LIMCH1: variants seen among roughly 807,000 people sequenced by gnomAD.
LIMCH1 encodes LIM and calponin homology domains 1, also known as LIM and calponin homology domains-containing protein 1.
In LIMCH1, 113 loss-of-function variants were observed where a neutral mutation model predicts 176.5. That is an observed-to-expected ratio of 0.64 (90% CI 0.55 to 0.75). The LOEUF (loss-of-function observed/expected upper bound fraction) is 0.75. Ranked by LOEUF, LIMCH1 falls within the 30% of genes least tolerant of loss-of-function variation. The pLI is 0.00. For missense variants in LIMCH1, 1,674 were observed against 1,814.9 expected, an observed-to-expected ratio of 0.92 and a Z score of 1.41; for synonymous variants, 619 against 645.9, an observed-to-expected ratio of 0.96 and a Z score of 0.63.
At chr4:41,626,681 G>A (rs1449451377) in intron 7 of LIMCH1, 27 bp from the exon 8 acceptor site, 3 of 1,523,590 alleles carry the variant, frequency 2.0e-6, no homozygotes, top group Non-Finnish European at 2.6e-6. Flanking sequence ...ATCACATGTG[G>A]AGTCCCATTT....
At chr4:41,695,939 T>C (rs1417199228) in intron 31 of LIMCH1, among the ~76,000 whole-genome samples, 4 of 152,172 alleles carry the variant, frequency 2.6e-5, no homozygotes, top group Non-Finnish European at 5.9e-5. Context: ...CTAAAAACCA[T>C]TTTTCTTTCT....
chr4:41,419,557 T>C (rs1036733984), intron 1 of LIMCH1, among the ~76,000 whole-genome samples: 1 of 150,558 alleles, frequency 6.6e-6, no homozygotes, highest in African/African-American at 2.5e-5. Context: ...CTTCCTTTCC[T>C]TTCCCCTTCC....
At chr4:41,656,657 CA>C (rs2094471720) in intron 18 of LIMCH1, among the ~76,000 whole-genome samples, 1 of 152,192 alleles carries the variant, frequency 6.6e-6, no homozygotes, top group African/African-American at 2.4e-5. Flanking sequence ...AACCCATGCA[CA>C]GCATATGTGG....
At position 41,404,640 on chromosome 4, in the gene LIMCH1, G is replaced by A. The variant is rs1459921363; in HGVS notation, c.96+43704G>A. Among the ~76,000 whole-genome samples the A allele has an allele frequency of 2.0e-5, 3 of 152,060 alleles. 1 individual carries two copies. Among genetic ancestry groups the A allele is most frequent in the Non-Finnish European group, 4.4e-5 (3 of 68,002 alleles). ...TAAAAATACAAAAAATTAGCTGGGC[G>A]TGGTGGTGGGCGCCTGTAATCCCAG... On this transcript the variant is annotated intron_variant, in intron 1 of 26. Coordinates refer to the LIMCH1 transcript ENST00000313860.
At chr4:41,504,404 G>A (rs1396008471) in intron 2 of LIMCH1, among the ~76,000 whole-genome samples, 1 of 152,206 alleles carries the variant, frequency 6.6e-6, no homozygotes, top group African/African-American at 2.4e-5. Context: ...ATGAGCTCCT[G>A]TGTCTCCACA....
In LIMCH1 at chr4:41,631,409, G is replaced by A; in HGVS notation, c.1533G>A (p.Val511=). ...CHGSKIQMDS[V]SPVSAATSSL... is the part of the protein sequence containing the mutation. ...GCAGCAAGATTCAAATGGACTCTGTGTCTCCTGTCTCAGCGGCCACTTCCA... is the reference window on the plus strand; with the variant it reads ...GCAGCAAGATTCAAATGGACTCTGTATCTCCTGTCTCAGCGGCCACTTCCA... The change falls in exon 10 of 32, where the codon GTG becomes GTA. Residue 511 remains valine (V), a synonymous_variant. Transcript: ENST00000503057. 1 of 1,534,838 alleles carries A rather than the reference G, an allele frequency of 6.5e-7. No homozygotes were observed. Among genetic ancestry groups the A allele is most frequent in the South Asian group, 1.2e-5 (1 of 83,586 alleles).
intron 4 of LIMCH1, among the ~76,000 whole-genome samples, chr4:41,612,144 A>G (rs1363437088): frequency 6.6e-6 from 1 of 152,004 alleles, no homozygotes; most frequent in East Asian, 1.9e-4. Flanking sequence ...CCTTCTCTTG[A>G]TGCAAAGCTG....
At position 41,629,598 on chromosome 4, in the gene LIMCH1, A is replaced by G; in HGVS notation, c.1135A>G (p.Lys379Glu). ...GGLRKVPDLHKDDLAQQRIQG... is the reference protein window; with the variant it reads ...GGLRKVPDLHEDDLAQQRIQG... ...ACTCAGGAAGGTGCCAGATCTTCAC[A>G]AGGATGACCTGGCCCAGCAGAGAAT... Residue 379 changes from lysine (K) to glutamate (E), a missense_variant, in exon 9 of 32, where the codon AAG (lysine) becomes GAG (glutamate). Lys to Glu is a moderately conservative substitution (Grantham distance 56, BLOSUM62 1). This residue lies in a region of LIMCH1 where 655 missense variants were observed against 692.2 expected (regional missense o/e 0.95). Transcript: ENST00000503057. 10 of 1,536,086 alleles carry G rather than the reference A, an allele frequency of 6.5e-6. No individual in the cohort carries two copies. Among genetic ancestry groups the G allele is most frequent in the Non-Finnish European group, 8.7e-6 (10 of 1,146,896 alleles).
Position 41,613,091 on chromosome 4 carries a change from A to G in LIMCH1, c.10-375A>G, listed in dbSNP as rs924190415. The G allele has an allele frequency of 1.0e-5, 16 of 1,552,050 alleles. No individual in the cohort carries two copies. In the African/African-American group the frequency reaches 1.9e-4, roughly 19 times the overall value. ...CATGCAGTTATGGATTCCGAAAGAC[A>G]AGTCAAGGTTAAGGTTTTGGTTTTT... On this transcript the variant is annotated intron_variant, in intron 4 of 31. Coordinates refer to ENST00000503057, the MANE Select transcript of LIMCH1 (RefSeq NM_001330672.2).
In LIMCH1 at chr4:41,360,826, C is replaced by G; in HGVS notation, c.-15C>G. ...GTCCTCATCCCGGCGCTTGAGAGGA[C>G]GCGGGGCTGCGCAAATGGCTTGTCC... On this transcript the variant is annotated 5_prime_UTR_variant, in exon 1 of 27. Transcript: ENST00000313860. The surrounding 1 kb of genome is among the most constrained non-coding windows in gnomAD (Gnocchi z 4.5). The G allele has an allele frequency of 6.5e-7, 1 of 1,535,110 alleles. No homozygotes were observed. The highest frequency in any genetic ancestry group is 8.8e-7 in the Non-Finnish European group (1 of 1,141,304).
chr4:41,394,614 A>C (rs7670762), intron 1 of LIMCH1, among the ~76,000 whole-genome samples: 55,415 of 151,950 alleles, frequency 0.36, 11,321 homozygotes, highest in African/African-American at 0.56. Flanking sequence ...TTGATCGGGG[A>C]TTGTAGGTAC....
intron 17 of LIMCH1, among the ~76,000 whole-genome samples, chr4:41,647,513 C>T (rs1302166050): frequency 6.6e-6 from 1 of 152,204 alleles, no homozygotes. Flanking sequence ...GACTGAAGAA[C>T]TTGTGGAAAC....
chr4:41,440,167 A>G (rs1312576881), intron 1 of LIMCH1, among the ~76,000 whole-genome samples: 1 of 152,242 alleles, frequency 6.6e-6, no homozygotes, highest in Non-Finnish European at 1.5e-5. Flanking sequence ...TTTCCCCTCT[A>G]TAATTAACAA....
chr4:41,365,344 G>T (rs2052807708), intron 1 of LIMCH1, among the ~76,000 whole-genome samples: 1 of 152,188 alleles, frequency 6.6e-6, no homozygotes, highest in African/African-American at 2.4e-5. Context: ...TTATTCAGCT[G>T]GGACCTAATT....
intron 1 of LIMCH1, among the ~76,000 whole-genome samples, chr4:41,407,583 C>T (rs954475098): frequency 2.0e-5 from 3 of 152,218 alleles, no homozygotes; most frequent in Non-Finnish European, 2.9e-5. Context: ...GGTCCGTGTC[C>T]ATAGGTGAGG....
chr4:41,638,387 C>T (rs193255720), intron 13 of LIMCH1, among the ~76,000 whole-genome samples: 1 of 152,240 alleles, frequency 6.6e-6, no homozygotes, highest in Admixed American at 6.5e-5. Flanking sequence ...ATGCGGAAGG[C>T]ACTGATTGGG....
chr4:41,544,326 C>G (rs1258499586), intron 1 of LIMCH1, among the ~76,000 whole-genome samples: 1 of 152,184 alleles, frequency 6.6e-6, no homozygotes, highest in Admixed American at 6.5e-5. Context: ...TGTGGGTATA[C>G]ACTGAAACTT....
chr4:41,499,743 G>A (rs1215923636), intron 2 of LIMCH1, among the ~76,000 whole-genome samples: 1 of 152,104 alleles, frequency 6.6e-6, no homozygotes, highest in African/African-American at 2.4e-5. Context: ...TCTTGAACCC[G>A]GGAGGCGGAG....
intron 27 of LIMCH1, among the ~76,000 whole-genome samples, chr4:41,684,980 C>A (rs1719470745): frequency 6.6e-6 from 1 of 152,090 alleles, no homozygotes; most frequent in Non-Finnish European, 1.5e-5. Context: ...CTCACCATAG[C>A]AAAATTCAAA....
Sources: allele counts gnomAD v4.1 joint callset (sites outside exome capture counted in the v4.1 genomes callset), GRCh38; gene constraint gnomAD v4.1.1; regional missense constraint gnomAD v4.1.1; non-coding constraint Gnocchi (gnomAD v3.1); transcripts MANE v1.5; gene names NCBI Gene and HGNC (gene_info 2026-07-23, HGNC 2026-07-21).